TNS1: variants seen among roughly 807,000 people sequenced by gnomAD.
The protein encoded by TNS1 is tensin-1.
In TNS1, 62 loss-of-function variants were observed where a neutral mutation model predicts 168.6. The ratio of observed to expected loss-of-function variants is 0.37; its 90% confidence interval spans 0.30 to 0.45. The LOEUF is 0.45. TNS1 is among the 20% of genes least tolerant of loss of function. TNS1 has a pLI of 1.00. For synonymous variants in TNS1, 934 were observed against 933.2 expected (o/e 1.00, Z -0.02); for missense variants, 2,240 against 2,339.4 (o/e 0.96, Z 0.88).
chr2:217,892,980 C>T lies in TNS1; in HGVS notation c.750G>A (p.Ala250=), dbSNP rs771320317. The change falls in exon 11 of 33, where the codon GCG becomes GCA. Residue 250 remains alanine, a synonymous_variant. Coordinates refer to ENST00000682258, the MANE Select transcript of TNS1 (RefSeq NM_001387777.1). ...GNRGRIGVVI[A]AYMHYSNISA... is the part of the protein sequence containing the mutation. The stretch of plus-strand genomic sequence containing the variant: ...AAATGTTGCTGTAGTGCATGTAAGC[C>T]GCGATGACAACTCCTATCCTGCCTC... 37 of 1,614,052 alleles carry T rather than the reference C, an allele frequency of 2.3e-5. No homozygotes were observed. The highest frequency in any genetic ancestry group is 3.3e-5 in the Admixed American group (2 of 60,000).
intron 1 of TNS1, among the ~76,000 whole-genome samples, chr2:217,996,305 C>T (rs910800504): frequency 6.6e-6 from 1 of 152,210 alleles, no homozygotes. Context: ...ACTCCTGTCG[C>T]ACTCACTCAG....
chr2:217,940,722 G>A (rs1286205292), intron 3 of TNS1, among the ~76,000 whole-genome samples: 1 of 152,164 alleles, frequency 6.6e-6, no homozygotes, highest in Non-Finnish European at 1.5e-5. Context: ...ACCCTCTCTG[G>A]TCAGGAGAAA....
intron 18 of TNS1, among the ~76,000 whole-genome samples, chr2:217,855,577 T>C (rs1219519935): frequency 6.6e-6 from 1 of 151,804 alleles, no homozygotes. Flanking sequence ...TCTCTCTCTC[T>C]CTCCCTCTCC....
In TNS1 at chr2:217,995,219, G is replaced by A. The variant is rs893359749; in HGVS notation, c.34-4163C>T. Among the ~76,000 whole-genome samples the A allele has an allele frequency of 2.0e-5, 3 of 152,136 alleles. No homozygotes were observed. Among genetic ancestry groups the A allele is most frequent in the African/African-American group, 2.4e-5 (1 of 41,414 alleles). On this transcript the variant is annotated intron_variant, in intron 1 of 32. Coordinates refer to ENST00000682258, the MANE Select transcript of TNS1 (RefSeq NM_001387777.1). This position sits in a 1 kb window ranked among gnomAD's most constrained non-coding sequence, Gnocchi z 4.1. ...GCTCTGCTGGCATCCACTTAGTTCC[G>A]CTGTGAAACAGGGACACTGCGCTGG...
rs199920972 is a variant in TNS1, at chr2:217,912,689, C to CA, written c.229-5439dup. Among the ~76,000 whole-genome samples, 765 of 152,276 alleles carry CA rather than the reference C, an allele frequency of 5.0e-3. 6 individuals are homozygous for CA. Among genetic ancestry groups the CA allele is most frequent in the African/African-American group, 0.017 (686 of 41,530 alleles). On this transcript the variant is annotated intron_variant, in intron 4 of 32. Coordinates refer to ENST00000682258, the MANE Select transcript of TNS1 (RefSeq NM_001387777.1). ...AAAACAGAAGGGAAGGGCAGGGAAA[C>CA]AGAGTTTATGGGGCACTTGGAGCAT... is the stretch of plus-strand genomic sequence containing the variant.
At chr2:218,003,511 G>A (rs1472483482), upstream of TNS1, among the ~76,000 whole-genome samples, 4 of 151,236 alleles carry the variant, frequency 2.6e-5, no homozygotes, top group Non-Finnish European at 5.9e-5. Flanking sequence ...TGGTGCCCAC[G>A]CGCCAAGCTC....
In TNS1 at chr2:217,848,911, C is replaced by G; in HGVS notation, c.1606G>C (p.Ala536Pro). ...SVSSDSGNST[A>P]STKTDKTDEP... ...TCGGTCTTGTCGGTCTTGGTGGAGG[C>G]TGTGGAGTTGCCCGAGTCGCTGCTC... The change falls in exon 19 of 33, where the codon GCC becomes CCC. Residue 536 changes from alanine to proline, a missense_variant. Transcript: ENST00000682258. 6.2e-7 allele frequency: 1 copy of G among 1,614,168 alleles called. No individual in the cohort carries two copies. Among genetic ancestry groups the G allele is most frequent in the Non-Finnish European group, 8.5e-7 (1 of 1,180,022 alleles).
intron 2 of TNS1, among the ~76,000 whole-genome samples, chr2:217,982,530 A>G (rs1274163010): frequency 1.3e-5 from 2 of 151,682 alleles, no homozygotes; most frequent in South Asian, 2.1e-4. Context: ...CAGCCTCCCA[A>G]GCAGCTGGGA....
chr2:217,884,896 T>A, intron 16 of TNS1, 139 bp downstream of exon 16: 1 of 1,093,600 alleles, frequency 9.1e-7, no homozygotes, highest in Non-Finnish European at 1.3e-6. Context: ...CTCTCTCAAC[T>A]CTCTCCTACC....
At chr2:217,902,477 G>A (rs1953119916) in intron 6 of TNS1, among the ~76,000 whole-genome samples, 1 of 152,106 alleles carries the variant, frequency 6.6e-6, no homozygotes, top group Admixed American at 6.5e-5. Flanking sequence ...TTGGCAGGGG[G>A]AACTGGGGAA....
rs1255728676 is a variant in TNS1, at chr2:217,907,267, G to A, written c.229-16C>T. 1.4e-6 allele frequency: 1 copy of A among 703,002 alleles called. No individual in the cohort carries two copies. Among genetic ancestry groups the A allele is most frequent in the African/African-American group, 1.7e-5 (1 of 57,390 alleles). The allele number at this position is 703,002 out of a possible 1,614,324, so 43.5% of individuals were successfully genotyped here. On this transcript the variant is annotated splice_polypyrimidine_tract_variant and intron_variant, in intron 4 of 32. Coordinates refer to ENST00000682258, the MANE Select transcript of TNS1 (RefSeq NM_001387777.1). ...TGGTGATGGGCTGTGGACAGAAGGAGAAACAGCATGAGCCCTTAGGGCAGA... is the reference window on the plus strand; with the variant it reads ...TGGTGATGGGCTGTGGACAGAAGGAAAAACAGCATGAGCCCTTAGGGCAGA...
intron 22 of TNS1, among the ~76,000 whole-genome samples, chr2:217,829,146 TG>T (rs1269804711): frequency 1.3e-5 from 2 of 151,160 alleles, no homozygotes; most frequent in Non-Finnish European, 2.9e-5. Flanking sequence ...GAGGCCAAGG[TG>T]GGTGGATCGC....
Position 217,848,979 on chromosome 2 carries a change from G to A in TNS1, c.1538C>T (p.Thr513Ile), listed in dbSNP as rs752536360. Residue 513 changes from threonine to isoleucine, a missense_variant, in exon 19 of 33, where the codon ACA (threonine) becomes ATA (isoleucine). Physicochemically the swap from Thr to Ile is moderately conservative, Grantham distance 89. This residue lies in a region of TNS1 where 2,131 missense variants were observed against 2,171.2 expected (regional missense o/e 0.98). Coordinates refer to ENST00000682258, the MANE Select transcript of TNS1 (RefSeq NM_001387777.1). ...CACGTGGTTGGGGGTGGCCGACAGT[G>A]TAGGACGTGTGGCATTAACAGCCCC... ...STGAVNATRP[T>I]LSATPNHVEH... is the part of the protein sequence containing the mutation. 6.2e-7 allele frequency: 1 copy of A among 1,614,134 alleles called. No individual in the cohort carries two copies. Among genetic ancestry groups the A allele is most frequent in the Admixed American group, 1.7e-5 (1 of 60,010 alleles).
chr2:217,827,540 C>T (rs1415874130), intron 22 of TNS1, among the ~76,000 whole-genome samples: 1 of 152,192 alleles, frequency 6.6e-6, no homozygotes, highest in African/African-American at 2.4e-5. Flanking sequence ...GGCAGCAATT[C>T]CAACTCCCAC....
At chr2:217,996,552 G>A (rs536137253) in intron 1 of TNS1, among the ~76,000 whole-genome samples, 7 of 151,908 alleles carry the variant, frequency 4.6e-5, no homozygotes, top group South Asian at 4.2e-4. Context: ...GTTGTTGGTC[G>A]CCCTGGGTGG....
At chr2:218,013,586 AGGT>A (rs1338582638), upstream of TNS1, among the ~76,000 whole-genome samples, 2 of 151,890 alleles carry the variant, frequency 1.3e-5, no homozygotes, top group Admixed American at 1.3e-4. Flanking sequence ...CCATCCTCCC[AGGT>A]TAACCTATCC....
At chr2:217,871,701 C>T (rs1949789576) in intron 18 of TNS1, among the ~76,000 whole-genome samples, 1 of 152,280 alleles carries the variant, frequency 6.6e-6, no homozygotes, top group South Asian at 2.1e-4. Flanking sequence ...GCTGAAATCT[C>T]TCACTCTCAA....
At position 217,897,935 on chromosome 2, in the gene TNS1, A is replaced by G; in HGVS notation, c.406T>C (p.Cys136Arg). The G allele has an allele frequency of 6.2e-7, 1 of 1,612,034 alleles. No individual in the cohort carries two copies. The change falls in exon 8 of 33, where the codon TGT becomes CGT. Residue 136 changes from cysteine to arginine, a missense_variant. Physicochemically the swap from Cys to Arg is radical, Grantham distance 180. Coordinates refer to ENST00000682258, the MANE Select transcript of TNS1 (RefSeq NM_001387777.1). ...MSVSRTMEDS[C>R]ELDLVYVTER... is the part of the protein sequence containing the mutation. ...GTGACGTACACCAGGTCCAGCTCAC[A>G]GCTGTCCTCCATGGTCCGGCTCACA...
intron 2 of TNS1, among the ~76,000 whole-genome samples, chr2:217,980,368 C>T (rs867644634): frequency 6.6e-6 from 1 of 152,120 alleles, no homozygotes; most frequent in Non-Finnish European, 1.5e-5. Context: ...TCCCTCACTT[C>T]GCAAAGGTGT....
Sources: allele counts gnomAD v4.1 joint callset (sites outside exome capture counted in the v4.1 genomes callset), GRCh38; gene constraint gnomAD v4.1.1; regional missense constraint gnomAD v4.1.1; non-coding constraint Gnocchi (gnomAD v3.1); transcripts MANE v1.5; gene names NCBI Gene and HGNC (gene_info 2026-07-23, HGNC 2026-07-21).